Variants in SEC31A observed in about 807,000 individuals in gnomAD.
SEC31A encodes the protein SEC31 homolog A, COPII component, also known as protein transport protein Sec31A.
In SEC31A, 70 loss-of-function variants were observed where a neutral mutation model predicts 151.0. The ratio of observed to expected loss-of-function variants is 0.46; its 90% confidence interval spans 0.38 to 0.57. SEC31A has a LOEUF of 0.57. Ranked by LOEUF, SEC31A falls within the 20% of genes least tolerant of loss-of-function variation. The pLI, the probability that SEC31A is intolerant of heterozygous loss-of-function variation, is 0.00. For missense variants in SEC31A, 1,330 were observed against 1,471.2 expected, an observed-to-expected ratio of 0.90 and a Z score of 1.57; for synonymous variants, 475 against 505.9, an observed-to-expected ratio of 0.94 and a Z score of 0.82.
At chr4:82,857,262 T>G (rs1490925665) in intron 15 of SEC31A, 132 bp from the exon 16 acceptor site, 4 of 728,062 alleles carry the variant, frequency 5.5e-6, no homozygotes, top group African/African-American at 5.4e-5. Context: ...TGATTACTAG[T>G]GGATTAATTT....
intron 20 of SEC31A, among the ~76,000 whole-genome samples, chr4:82,846,017 C>T (rs568183933): frequency 2.4e-4 from 36 of 151,950 alleles, no homozygotes; most frequent in African/African-American, 7.5e-4. Flanking sequence ...TTTGTTTTTC[C>T]GAGACGGAGT....
At chr4:82,884,019 G>C (rs1435095638) in intron 1 of SEC31A, among the ~76,000 whole-genome samples, 3 of 114,610 alleles carry the variant, frequency 2.6e-5, no homozygotes, top group African/African-American at 1.0e-4. Flanking sequence ...ATGGAGTTTC[G>C]TTCTGTCACC....
chr4:82,844,952 T>C (rs1162772080), intron 20 of SEC31A, among the ~76,000 whole-genome samples: 2 of 152,216 alleles, frequency 1.3e-5, no homozygotes, highest in Non-Finnish European at 2.9e-5. Context: ...TAAACCATTG[T>C]CAAAACCTTG....
Position 82,864,471 on chromosome 4 carries a change from G to C in SEC31A, c.1325C>G (p.Ser442Ter). Reference sequence around the variant, plus strand: ...CTGCACAGCCTGCTGAAGTTGGTCTGATCGGCTGAGGAACTCCTTTTCTGT... The same window carrying C: ...CTGCACAGCCTGCTGAAGTTGGTCTCATCGGCTGAGGAACTCCTTTTCTGT... ...VVTEKEFLSR[S>*]DQLQQAVQSQ... The change falls in exon 11 of 27, where the codon TCA (serine) becomes TGA (stop). Residue 442 changes from serine (S) to a stop codon, truncating the protein, a stop_gained. Coordinates refer to ENST00000395310, the MANE Select transcript of SEC31A (RefSeq NM_001077207.4). LOFTEE classifies it high-confidence loss of function. 1 of 1,614,144 alleles carries C rather than the reference G, an allele frequency of 6.2e-7. No individual in the cohort carries two copies. The highest frequency in any genetic ancestry group is 8.5e-7 in the Non-Finnish European group (1 of 1,180,034).
At chr4:82,885,523 T>A (rs894001297) in intron 1 of SEC31A, among the ~76,000 whole-genome samples, 1 of 152,186 alleles carries the variant, frequency 6.6e-6, no homozygotes, top group Non-Finnish European at 1.5e-5. Flanking sequence ...TGAGCACTTA[T>A]GAAATTAGCT....
chr4:82,899,308 A>C (rs976719858), intron 3 of SEC31A, among the ~76,000 whole-genome samples: 14 of 152,302 alleles, frequency 9.2e-5, no homozygotes, highest in African/African-American at 3.4e-4. Flanking sequence ...ATATACTAAA[A>C]CCCACTGAAT....
intron 19 of SEC31A, among the ~76,000 whole-genome samples, chr4:82,850,993 G>A (rs1731334200): frequency 6.6e-6 from 1 of 152,094 alleles, no homozygotes; most frequent in Non-Finnish European, 1.5e-5. Context: ...AAACTAAAAT[G>A]GCATACAGAA....
rs1195156095 is a variant in SEC31A at position 82,844,431 on chromosome 4, G to C, written c.2581C>G (p.Pro861Ala). The change falls in exon 21 of 27, where the codon CCA becomes GCA. Residue 861 changes from proline to alanine, a missense_variant. Physicochemically the swap from Pro to Ala is conservative, Grantham distance 27. Transcript: ENST00000395310. ...PNAAGQLPTS[P>A]GHMHTQVPPY... The stretch of plus-strand genomic sequence containing the variant: ...GGTACCTGGGTGTGCATATGACCTG[G>C]AGATGTGGGAAGCTGACCAGCAGCA... 1 of 1,614,110 alleles carries C rather than the reference G, an allele frequency of 6.2e-7. No individual in the cohort carries two copies.
chr4:82,840,140 T>C (rs2149204422), intron 22 of SEC31A, among the ~76,000 whole-genome samples: 1 of 152,298 alleles, frequency 6.6e-6, no homozygotes, highest in African/African-American at 2.4e-5. Flanking sequence ...ACTCAGTTTT[T>C]TCATCTGTAA....
rs1197709982 is a variant in SEC31A, at chr4:82,819,158, A to G, written c.3579T>C (p.Val1193=). 33 of 1,612,472 alleles carry G rather than the reference A, an allele frequency of 2.0e-5. No individual in the cohort carries two copies. In the Admixed American group the frequency reaches 5.4e-4, roughly 26 times the overall value. ...AGGTCTCACTGAAGTTGCTGGTGCT[A>G]ACTATGTGGGTATGCATGGTCAATC... The part of the protein sequence containing the change: ...SEGLTMHTHI[V]STSNFSETSA... Residue 1193 remains valine (V), a synonymous_variant, in exon 27 of 27, where the codon GTT becomes GTC. Transcript: ENST00000395310.
rs545119434 is a variant in SEC31A, at chr4:82,887,052, C to T, written c.-5+4036G>A. Among the ~76,000 whole-genome samples, 9 of 152,164 alleles carry T rather than the reference C, an allele frequency of 5.9e-5. No homozygotes were observed. In the East Asian group the frequency reaches 1.7e-3, roughly 29 times the overall value. On this transcript the variant is annotated intron_variant, in intron 1 of 26. Coordinates refer to ENST00000395310, the MANE Select transcript of SEC31A (RefSeq NM_001077207.4). ...CTAGAGTGACCAGTTTCAGATAAAACATTTACTTTTAAATTCTTAACTCTT... is the reference window on the plus strand; with the variant it reads ...CTAGAGTGACCAGTTTCAGATAAAATATTTACTTTTAAATTCTTAACTCTT...
intron 23 of SEC31A, among the ~76,000 whole-genome samples, chr4:82,827,935 G>A (rs1724991155): frequency 6.7e-6 from 1 of 148,238 alleles, no homozygotes; most frequent in African/African-American, 2.5e-5. Flanking sequence ...TTTTTTTTGA[G>A]ATAGAGTCCC....
At chr4:82,863,169 A>G in intron 12 of SEC31A, 149 bp downstream of exon 12, 1 of 570,320 alleles carries the variant, frequency 1.8e-6, no homozygotes. Flanking sequence ...ATGGAGAATA[A>G]GAAAAAGAAA....
At chr4:82,864,927 C>G (rs917043293) in intron 10 of SEC31A, among the ~76,000 whole-genome samples, 1 of 152,030 alleles carries the variant, frequency 6.6e-6, no homozygotes, top group Non-Finnish European at 1.5e-5. Flanking sequence ...AGGTGCCGGC[C>G]ACCATGCCTG....
intron 21 of SEC31A, chr4:82,844,146 A>T (rs1729523338): frequency 2.5e-6 from 1 of 398,658 alleles, no homozygotes; most frequent in Non-Finnish European, 4.4e-6. Context: ...AACAAGTCTT[A>T]GTAATGGCTG....
At chr4:82,835,215 G>C (rs1311655297) in intron 22 of SEC31A, among the ~76,000 whole-genome samples, 1 of 152,022 alleles carries the variant, frequency 6.6e-6, no homozygotes, top group Non-Finnish European at 1.5e-5. Context: ...ATAGCGACAG[G>C]ACATAAAACA....
chr4:82,892,153 T>G (rs761539875), upstream of SEC31A, among the ~76,000 whole-genome samples: 9 of 152,244 alleles, frequency 5.9e-5, no homozygotes, highest in Non-Finnish European at 1.3e-4. Flanking sequence ...TCTGAAATAA[T>G]GAACCCAACT....
chr4:82,851,475 T>C lies in SEC31A; in HGVS notation c.2284A>G (p.Ser762Gly). 3 of 1,613,954 alleles carry C rather than the reference T, an allele frequency of 1.9e-6. No individual in the cohort carries two copies. Among genetic ancestry groups the C allele is most frequent in the Non-Finnish European group, 1.7e-6 (2 of 1,179,908 alleles). Residue 762 changes from serine (S) to glycine (G), a missense_variant, in exon 19 of 27, where the codon AGT becomes GGT. Transcript: ENST00000395310. ...AGAAAAGCCAAGGCTGCAGCAATAC[T>C]GCCCTGAGCTGCCAACAAATTGGCA... ...QYANLLAAQG[S>G]IAAALAFLPD...
chr4:82,850,711 C>G (rs1366516661), intron 19 of SEC31A, among the ~76,000 whole-genome samples: 1 of 152,124 alleles, frequency 6.6e-6, no homozygotes, highest in African/African-American at 2.4e-5. Flanking sequence ...TTGGGTTTCC[C>G]TTTGTTGGGT....
Sources: allele counts gnomAD v4.1 joint callset (sites outside exome capture counted in the v4.1 genomes callset), GRCh38; gene constraint gnomAD v4.1.1; transcripts MANE v1.5; gene names NCBI Gene and HGNC (gene_info 2026-07-23, HGNC 2026-07-21).